CTNND2: variants seen among roughly 807,000 people sequenced by gnomAD.
CTNND2 encodes catenin delta-2.
CTNND2 carries 22 observed loss-of-function variants against 144.4 expected under a neutral mutation model. The ratio of observed to expected loss-of-function variants is 0.15; its 90% CI spans 0.11 to 0.22. The LOEUF is 0.22. Ranked by LOEUF, CTNND2 falls within the 10% of genes least tolerant of loss-of-function variation. CTNND2 has a pLI of 1.00. For synonymous variants in CTNND2, 751 were observed against 695.6 expected, an observed-to-expected ratio of 1.08 and a Z score of -1.25; for missense variants, 1,353 against 1,618.8, an observed-to-expected ratio of 0.84 and a Z score of 2.82.
At chr5:10,982,864 A>G (rs7733042) in intron 20 of CTNND2, among the ~76,000 whole-genome samples, 21,958 of 152,192 alleles carry the variant, frequency 0.14, 1,666 homozygotes, top group African/African-American at 0.18. Flanking sequence ...GTGGAACTGG[A>G]GGTGATTTAT....
chr5:11,330,562 T>C (rs1753021348), intron 9 of CTNND2, among the ~76,000 whole-genome samples: 1 of 149,304 alleles, frequency 6.7e-6, no homozygotes. Context: ...GGCTCATGCC[T>C]GTAACCCCAG....
intron 1 of CTNND2, among the ~76,000 whole-genome samples, chr5:11,847,256 A>C (rs1487561327): frequency 2.0e-5 from 3 of 150,348 alleles, no homozygotes; most frequent in Non-Finnish European, 4.4e-5. Flanking sequence ...AAATGAGTGG[A>C]TAAAGAAAAT....
chr5:11,633,302 T>C (rs551950687), intron 2 of CTNND2, among the ~76,000 whole-genome samples: 2 of 152,242 alleles, frequency 1.3e-5, no homozygotes, highest in East Asian at 3.9e-4. Flanking sequence ...AATTGACTTC[T>C]CATCAACAAC....
At chr5:11,876,767 A>G (rs1250830322) in intron 1 of CTNND2, among the ~76,000 whole-genome samples, 1 of 152,230 alleles carries the variant, frequency 6.6e-6, no homozygotes, top group African/African-American at 2.4e-5. Context: ...ATTGGCATTG[A>G]GTTATAAACA....
At chr5:11,657,446 TTC>T (rs1561664330) in intron 2 of CTNND2, among the ~76,000 whole-genome samples, 1 of 152,156 alleles carries the variant, frequency 6.6e-6, no homozygotes, top group Non-Finnish European at 1.5e-5. Context: ...TCCTTCTTCT[TTC>T]TCTCTCCTGT....
intron 1 of CTNND2, among the ~76,000 whole-genome samples, chr5:11,824,538 A>G (rs757843705): frequency 1.3e-5 from 2 of 152,154 alleles, no homozygotes; most frequent in Non-Finnish European, 2.9e-5. Context: ...ATCTGCCTCT[A>G]ATTGAAGGGA....
At chr5:11,739,891 C>T (rs778205715) in intron 1 of CTNND2, among the ~76,000 whole-genome samples, 87 of 152,088 alleles carry the variant, frequency 5.7e-4, no homozygotes, top group Non-Finnish European at 1.0e-3. Flanking sequence ...CATTCCTATA[C>T]ACCAATAGAA....
intron 2 of CTNND2, among the ~76,000 whole-genome samples, chr5:11,614,567 G>A (rs1372323835): frequency 6.6e-6 from 1 of 152,214 alleles, no homozygotes; most frequent in Non-Finnish European, 1.5e-5. Flanking sequence ...AAATGTAAAG[G>A]CAGAGACATG....
Position 10,973,625 on chromosome 5 carries a change from T to C in CTNND2, c.3506A>G (p.Glu1169Gly), listed in dbSNP as rs202133904. 1.9e-6 allele frequency: 3 copies of C among 1,614,180 alleles called. No individual in the cohort carries two copies. In the East Asian group the frequency reaches 6.7e-5, roughly 36 times the overall value. Residue 1169 changes from glutamate to glycine, a missense_variant, in exon 22 of 22, where the codon GAG (glutamate) becomes GGG (glycine). Glu to Gly is a moderately conservative substitution (Grantham distance 98). This residue lies in a region of CTNND2 where 459 missense variants were observed against 674.3 expected (regional missense o/e 0.68). Transcript: ENST00000304623. The surrounding 1 kb of genome is among the most constrained non-coding windows in gnomAD (Gnocchi z 5.6). ...PFQNSTRNYD[E>G]SFFEDQVHHR... ...GTGGACCTGGTCCTCGAAGAAGGAC[T>C]CATCGTAATTTCTTGTGGAATTCTG... is the stretch of plus-strand genomic sequence containing the variant.
intron 3 of CTNND2, among the ~76,000 whole-genome samples, chr5:11,420,545 T>C (rs1322488845): frequency 6.6e-6 from 1 of 152,132 alleles, no homozygotes; most frequent in East Asian, 1.9e-4. Context: ...TAGTTAAAAA[T>C]GGTGAAGAGT....
rs114387856 is a variant in CTNND2 at position 11,676,588 on chromosome 5, C to T, written c.174+55548G>A. Reference sequence around the variant, plus strand: ...AGTCCTTGAATGCTGACAAACGGTTCGTAAAAAGTTAAAAAAAAAAAAAAA... The same window carrying T: ...AGTCCTTGAATGCTGACAAACGGTTTGTAAAAAGTTAAAAAAAAAAAAAAA... On this transcript the variant is annotated intron_variant, in intron 2 of 21. Transcript: ENST00000304623. Among the ~76,000 whole-genome samples, 838 of 146,238 alleles carry T rather than the reference C, an allele frequency of 5.7e-3. 4 individuals are homozygous for T. The highest frequency in any genetic ancestry group is 0.02 in the African/African-American group (775 of 39,254).
At chr5:11,762,465 T>A (rs905125986) in intron 1 of CTNND2, among the ~76,000 whole-genome samples, 1 of 152,280 alleles carries the variant, frequency 6.6e-6, no homozygotes, top group East Asian at 1.9e-4. Flanking sequence ...AGACCTCATA[T>A]GTGCATATGA....
chr5:11,047,134 C>G (rs182730450), intron 16 of CTNND2, among the ~76,000 whole-genome samples: 114 of 152,328 alleles, frequency 7.5e-4, no homozygotes, highest in Non-Finnish European at 1.5e-3. Context: ...AGCCATGCTT[C>G]TCTCAGAGAG....
chr5:11,768,787 G>A (rs994485784), intron 1 of CTNND2, among the ~76,000 whole-genome samples: 1 of 152,138 alleles, frequency 6.6e-6, no homozygotes, highest in Admixed American at 6.5e-5. Context: ...CAAGAGAAAC[G>A]AAGCCTCCCT....
intron 9 of CTNND2, among the ~76,000 whole-genome samples, chr5:11,332,344 A>G (rs114557729): frequency 0.031 from 4,725 of 150,802 alleles, 114 homozygotes; most frequent in Non-Finnish European, 0.047. Flanking sequence ...TTTTGAAAGG[A>G]TCAGGATCCA....
At chr5:11,049,108 C>T (rs1462138512) in intron 16 of CTNND2, among the ~76,000 whole-genome samples, 2 of 152,222 alleles carry the variant, frequency 1.3e-5, no homozygotes, top group African/African-American at 4.8e-5. Flanking sequence ...GACGAGGTCA[C>T]TGCTGGAAAT....
At chr5:11,815,453 C>G (rs1792572514) in intron 1 of CTNND2, among the ~76,000 whole-genome samples, 1 of 152,106 alleles carries the variant, frequency 6.6e-6, no homozygotes, top group Non-Finnish European at 1.5e-5. Context: ...TGAATTTTAT[C>G]TTATAAAATC....
At chr5:11,745,270 C>G (rs1225310228) in intron 1 of CTNND2, among the ~76,000 whole-genome samples, 1 of 152,116 alleles carries the variant, frequency 6.6e-6, no homozygotes, top group Non-Finnish European at 1.5e-5. Context: ...TTGGCTCCAC[C>G]AAGGCATTCT....
At chr5:11,717,794 T>C (rs1273861538) in intron 2 of CTNND2, among the ~76,000 whole-genome samples, 2 of 152,088 alleles carry the variant, frequency 1.3e-5, no homozygotes, top group African/African-American at 2.4e-5. Context: ...TTTACTACCA[T>C]GGGAACAGTA....
Sources: gnomAD v4.1 joint callset for allele counts (sites outside exome capture counted in the v4.1 genomes callset) on GRCh38, gnomAD v4.1.1 for gene constraint, gnomAD v4.1.1 regional missense constraint, Gnocchi (gnomAD v3.1) non-coding constraint, MANE v1.5 for transcripts, NCBI Gene and HGNC (gene_info 2026-07-23, HGNC 2026-07-21) for gene names.